Variants in CSMD1 observed in about 807,000 individuals in gnomAD.
CSMD1 encodes the protein CUB and sushi domain-containing protein 1.
In CSMD1, 213 loss-of-function variants were observed where a neutral mutation model predicts 417.5. The ratio of observed to expected loss-of-function variants is 0.51; its 90% CI spans 0.46 to 0.57. The LOEUF (loss-of-function observed/expected upper bound fraction) is 0.57, where lower values mean the gene tolerates loss of function less well. CSMD1 is among the 20% of genes least tolerant of loss of function. The pLI, the probability that CSMD1 is intolerant of heterozygous loss-of-function variation, is 0.00. For synonymous variants in CSMD1, 2,862 were observed against 1,736.8 expected (o/e 1.65, Z -16.11); for missense variants, 6,923 against 4,529.7 (o/e 1.53, Z -15.17).
chr8:3,939,419 A>C (rs1323918352), intron 5 of CSMD1, among the ~76,000 whole-genome samples: 3 of 152,186 alleles, frequency 2.0e-5, no homozygotes, highest in Non-Finnish European at 4.4e-5. Flanking sequence ...GTGTGTGTAT[A>C]AACTACTACA....
intron 3 of CSMD1, among the ~76,000 whole-genome samples, chr8:4,193,520 C>T (rs1799156372): frequency 6.6e-6 from 1 of 151,970 alleles, no homozygotes; most frequent in Admixed American, 6.6e-5. Context: ...CTGATATTAC[C>T]CAAGGACTGG....
At chr8:4,218,054 T>C (rs771810480) in intron 3 of CSMD1, among the ~76,000 whole-genome samples, 1 of 152,210 alleles carries the variant, frequency 6.6e-6, no homozygotes, top group African/African-American at 2.4e-5. Flanking sequence ...CAGTGGCTTA[T>C]TAACCCACTG....
At chr8:3,462,365 C>A (rs1816559379) in intron 12 of CSMD1, among the ~76,000 whole-genome samples, 1 of 152,178 alleles carries the variant, frequency 6.6e-6, no homozygotes, top group Non-Finnish European at 1.5e-5. Context: ...TCGTCCATGG[C>A]CTGCTAGGAA....
At chr8:4,554,074 G>C (rs180783189) in intron 2 of CSMD1, among the ~76,000 whole-genome samples, 1 of 152,076 alleles carries the variant, frequency 6.6e-6, no homozygotes, top group South Asian at 2.1e-4. Flanking sequence ...CCAAACTTCA[G>C]GTTTTTAATA....
intron 3 of CSMD1, among the ~76,000 whole-genome samples, chr8:4,082,492 A>G (rs1454012036): frequency 2.6e-5 from 4 of 152,218 alleles, no homozygotes; most frequent in African/African-American, 7.2e-5. Context: ...TAATTTTGAT[A>G]ACAAAGTCTG....
At chr8:3,798,748 C>A (rs964053366) in intron 5 of CSMD1, among the ~76,000 whole-genome samples, 1 of 151,942 alleles carries the variant, frequency 6.6e-6, no homozygotes, top group Non-Finnish European at 1.5e-5. Flanking sequence ...CACTATAGAT[C>A]AGTATTTAGA....
chr8:4,527,340 A>G (rs1227556863), intron 2 of CSMD1, among the ~76,000 whole-genome samples: 1 of 152,152 alleles, frequency 6.6e-6, no homozygotes, highest in Non-Finnish European at 1.5e-5. Flanking sequence ...CCCTTTACCC[A>G]AAAAACAATA....
At chr8:3,361,943 T>A (rs1225266871) in intron 20 of CSMD1, among the ~76,000 whole-genome samples, 2 of 152,212 alleles carry the variant, frequency 1.3e-5, no homozygotes, top group African/African-American at 4.8e-5. Flanking sequence ...CACTTAATCA[T>A]TATTATACAA....
chr8:4,323,352 T>C (rs775337498), intron 3 of CSMD1, among the ~76,000 whole-genome samples: 30 of 152,146 alleles, frequency 2.0e-4, no homozygotes, highest in Non-Finnish European at 4.1e-4. Context: ...AAGTGAGAAA[T>C]ATAAACTTAT....
At chr8:4,056,590 TA>T in intron 3 of CSMD1, among the ~76,000 whole-genome samples, 1 of 151,886 alleles carries the variant, frequency 6.6e-6, no homozygotes, top group Non-Finnish European at 1.5e-5. Context: ...AATGTGCAGG[TA>T]AGTTACCTAT....
At chr8:3,832,261 T>G (rs1174970831) in intron 5 of CSMD1, among the ~76,000 whole-genome samples, 1 of 152,182 alleles carries the variant, frequency 6.6e-6, no homozygotes, top group Non-Finnish European at 1.5e-5. Context: ...CCTGCCTGAT[T>G]TCCCTTATTC....
chr8:3,474,031 G>A (rs1216361617), intron 11 of CSMD1, among the ~76,000 whole-genome samples: 1 of 151,944 alleles, frequency 6.6e-6, no homozygotes, highest in Non-Finnish European at 1.5e-5. Context: ...CTGCCCCCAT[G>A]ATCCAAACAC....
chr8:4,199,193 A>G (rs1366581124), intron 3 of CSMD1, among the ~76,000 whole-genome samples: 4 of 149,804 alleles, frequency 2.7e-5, no homozygotes, highest in Non-Finnish European at 5.9e-5. Context: ...TTTCAGAAAC[A>G]TTAAAAAATA....
chr8:4,499,659 T>C (rs1010533460), intron 2 of CSMD1, among the ~76,000 whole-genome samples: 1 of 152,246 alleles, frequency 6.6e-6, no homozygotes, highest in African/African-American at 2.4e-5. Context: ...AGTAGGTATG[T>C]TATAAATATC....
At chr8:4,343,960 A>G (rs1258219900) in intron 3 of CSMD1, among the ~76,000 whole-genome samples, 1 of 152,176 alleles carries the variant, frequency 6.6e-6, no homozygotes, top group Non-Finnish European at 1.5e-5. Context: ...GTATTTTCAT[A>G]TATACAATAA....
chr8:4,233,331 T>C (rs189218167), intron 3 of CSMD1, among the ~76,000 whole-genome samples: 12 of 152,318 alleles, frequency 7.9e-5, no homozygotes, highest in East Asian at 1.9e-4. Flanking sequence ...CCTCTCTTCA[T>C]TGACATATTA....
At chr8:3,318,351 G>T (rs2113347) in intron 23 of CSMD1, among the ~76,000 whole-genome samples, 2 of 151,932 alleles carry the variant, frequency 1.3e-5, no homozygotes, top group Non-Finnish European at 2.9e-5. Context: ...CATATCCTCT[G>T]GCCTACCGCA....
intron 5 of CSMD1, among the ~76,000 whole-genome samples, chr8:3,787,402 G>A (rs961112204): frequency 1.3e-5 from 2 of 152,082 alleles, no homozygotes; most frequent in African/African-American, 4.8e-5. Context: ...GGATTCTCCT[G>A]TTTTGTGGGA....
intron 1 of CSMD1, among the ~76,000 whole-genome samples, chr8:4,715,279 G>A (rs988928670): frequency 6.6e-6 from 1 of 151,986 alleles, no homozygotes; most frequent in Non-Finnish European, 1.5e-5. Flanking sequence ...AATTATTAAG[G>A]GTTACTTAAA....
Sources: gnomAD v4.1 joint callset for allele counts (sites outside exome capture counted in the v4.1 genomes callset) on GRCh38, gnomAD v4.1.1 for gene constraint, MANE v1.5 for transcripts, NCBI Gene and HGNC (gene_info 2026-07-23, HGNC 2026-07-21) for gene names.